The following ATP1A4 variants were observed in gnomAD, a reference collection of about 807,000 sequenced individuals.
ATP1A4 encodes ATPase Na+/K+ transporting subunit alpha 4, also known as sodium/potassium-transporting ATPase subunit alpha-4.
In ATP1A4, 90 loss-of-function variants were observed where a neutral mutation model predicts 114.3. The observed-to-expected ratio is 0.79, with a 90% CI of 0.66 to 0.94. The LOEUF (loss-of-function observed/expected upper bound fraction) is 0.94. Ranked by LOEUF, ATP1A4 falls within the 40% of genes least tolerant of loss-of-function variation. The pLI, the probability that ATP1A4 is intolerant of heterozygous loss-of-function variation, is 0.00. For missense variants in ATP1A4, 1,222 were observed against 1,313.6 expected, an observed-to-expected ratio of 0.93 and a Z score of 1.08; for synonymous variants, 511 against 494.1, an observed-to-expected ratio of 1.03 and a Z score of -0.45.
chr1:160,154,978 T>A, intron 2 of ATP1A4, 67 bp from the exon 3 acceptor site: 1 of 1,474,586 alleles, frequency 6.8e-7, no homozygotes, highest in Non-Finnish European at 9.4e-7. Flanking sequence ...AAATGTCAGG[T>A]TCCCTTTTGC....
At chr1:160,169,085 C>G (rs1014774994) in intron 10 of ATP1A4, among the ~76,000 whole-genome samples, 2 of 152,248 alleles carry the variant, frequency 1.3e-5, no homozygotes, top group African/African-American at 4.8e-5. Context: ...CAGACTTGTC[C>G]TCAGTGGTTC....
In ATP1A4 at chr1:160,173,659, G is replaced by C; in HGVS notation, c.1933G>C (p.Glu645Gln). Reference sequence around the variant, plus strand: ...TGTGGGCATCATCTCAGAAGGCACTGAGACGGCAGAGGAAGTCGCTGCCCG... The same window carrying C: ...TGTGGGCATCATCTCAGAAGGCACTCAGACGGCAGAGGAAGTCGCTGCCCG... ...KGVGIISEGT[E>Q]TAEEVAARLK... is the part of the protein sequence containing the mutation. The change falls in exon 13 of 22, where the codon GAG (glutamate) becomes CAG (glutamine). Residue 645 changes from glutamate to glutamine, a missense_variant. Physicochemically the swap from Glu to Gln is conservative, Grantham distance 29. Coordinates refer to ENST00000368081, the MANE Select transcript of ATP1A4 (RefSeq NM_144699.4). 1 of 1,614,198 alleles carries C rather than the reference G, an allele frequency of 6.2e-7. No individual in the cohort carries two copies. The highest frequency in any genetic ancestry group is 8.5e-7 in the Non-Finnish European group (1 of 1,180,036).
Position 160,186,826 on chromosome 1 carries a change from A to C in ATP1A4, c.*127A>C. 1 of 1,127,372 alleles carries C rather than the reference A, an allele frequency of 8.9e-7. No homozygotes were observed. The highest frequency in any genetic ancestry group is 1.3e-6 in the Non-Finnish European group (1 of 766,484). The allele number at this position is 1,127,372 out of a possible 1,614,324, so 69.8% of individuals were successfully genotyped here. ...ATTATCTTGGATGAGAAAGATGGGCAATCCTGGGCTGGCTTGAGGGAATCA... is the reference window on the plus strand; with the variant it reads ...ATTATCTTGGATGAGAAAGATGGGCCATCCTGGGCTGGCTTGAGGGAATCA... On this transcript the variant is annotated 3_prime_UTR_variant, in exon 22 of 22. Coordinates refer to ENST00000368081, the MANE Select transcript of ATP1A4 (RefSeq NM_144699.4).
intron 2 of ATP1A4, 118 bp from the exon 3 acceptor site, chr1:160,154,927 T>C (rs1652583237): frequency 1.1e-6 from 1 of 906,486 alleles, no homozygotes; most frequent in Non-Finnish European, 1.7e-6. Flanking sequence ...AGACTGACCT[T>C]CTGAAAGCGT....
chr1:160,174,141 A>G lies in ATP1A4; in HGVS notation c.2022A>G (p.Ala674=). Residue 674 remains alanine (A), a synonymous_variant, in exon 14 of 22, where the codon GCA becomes GCG. Coordinates refer to ENST00000368081, the MANE Select transcript of ATP1A4 (RefSeq NM_144699.4). ...CCAAAGCCATTGTGGTGCATGGTGC[A>G]GAACTGAAGGACATACAGTCCAAGC... ...SAAKAIVVHG[A]ELKDIQSKQL... 1 of 1,614,226 alleles carries G rather than the reference A, an allele frequency of 6.2e-7. No homozygotes were observed. Among genetic ancestry groups the G allele is most frequent in the East Asian group, 2.2e-5 (1 of 44,888 alleles).
rs757890752 is a variant in ATP1A4 at position 160,171,300 on chromosome 1, T to C, written c.1541T>C (p.Met514Thr). The C allele has an allele frequency of 8.7e-6, 14 of 1,613,972 alleles. No homozygotes were observed. Among genetic ancestry groups the C allele is most frequent in the South Asian group, 2.2e-5 (2 of 91,078 alleles). Residue 514 changes from methionine to threonine, a missense_variant, in exon 11 of 22, where the codon ATG (methionine) becomes ACG (threonine). Met to Thr is a moderately conservative substitution (Grantham distance 81). Coordinates refer to ENST00000368081, the MANE Select transcript of ATP1A4 (RefSeq NM_144699.4). ...AGCTCCCAGACCCACGTACTGATGA[T>C]GAAGGGTGCTCCGGAGAGGATCTTG... is the stretch of plus-strand genomic sequence containing the variant. ...EDSSQTHVLM[M>T]KGAPERILEF...
intron 15 of ATP1A4, among the ~76,000 whole-genome samples, 198 bp downstream of exon 15, chr1:160,174,945 T>A (rs1248510776): frequency 6.6e-6 from 1 of 152,206 alleles, no homozygotes; most frequent in Non-Finnish European, 1.5e-5. Context: ...CCCCTTTTGA[T>A]GAGATCGGAG....
At chr1:160,156,278 AG>A (rs1296869870) in intron 4 of ATP1A4, 120 bp downstream of exon 4, 9 of 695,340 alleles carry the variant, frequency 1.3e-5, no homozygotes, top group Non-Finnish European at 1.8e-5. Flanking sequence ...GTTGGTGATG[AG>A]GGGGTCAAGG....
chr1:160,182,299 C>T (rs1038658382), intron 20 of ATP1A4, among the ~76,000 whole-genome samples: 4 of 152,246 alleles, frequency 2.6e-5, no homozygotes, highest in South Asian at 2.1e-4. Flanking sequence ...AAATCTTTTT[C>T]GTGATGATGT....
At chr1:160,162,221 T>C (rs149040826) in intron 6 of ATP1A4, among the ~76,000 whole-genome samples, 33 of 152,330 alleles carry the variant, frequency 2.2e-4, no homozygotes, top group African/African-American at 7.9e-4. Flanking sequence ...AGTGATATGT[T>C]GCCTAAGTGA....
chr1:160,155,006 T>A (rs769672787), intron 2 of ATP1A4, 39 bp from the exon 3 acceptor site: 5 of 1,594,862 alleles, frequency 3.1e-6, no homozygotes, highest in Non-Finnish European at 4.3e-6. Flanking sequence ...GTTCCTCTTT[T>A]CACAGCTCTC....
intron 10 of ATP1A4, among the ~76,000 whole-genome samples, chr1:160,168,677 C>G (rs1161406076): frequency 6.6e-6 from 1 of 152,174 alleles, no homozygotes; most frequent in Non-Finnish European, 1.5e-5. Flanking sequence ...AGCCACCATG[C>G]CTGGCCTCTA....
At position 160,159,405 on chromosome 1, in the gene ATP1A4, C is replaced by T. The variant is rs768534509; in HGVS notation, c.661-4C>T. On this transcript the variant is annotated splice_polypyrimidine_tract_variant and splice_region_variant and intron_variant, in intron 5 of 21. Transcript: ENST00000368081. ...CTTACAACGCGTCCCCTCTCCCATC[C>T]CAGGTGGACAACTCATCCTTGACTG... 3.7e-6 allele frequency: 6 copies of T among 1,606,208 alleles called. No individual in the cohort carries two copies. In the South Asian group the frequency reaches 4.5e-5, roughly 12 times the overall value.
chr1:160,152,627 T>A (rs1652497459), intron 1 of ATP1A4, among the ~76,000 whole-genome samples: 1 of 152,170 alleles, frequency 6.6e-6, no homozygotes, highest in Non-Finnish European at 1.5e-5. Flanking sequence ...GTTTCTTTAG[T>A]GGGGTCTTTG....
chr1:160,161,216 T>G (rs1006930216), intron 6 of ATP1A4, among the ~76,000 whole-genome samples: 3 of 152,250 alleles, frequency 2.0e-5, no homozygotes, highest in Non-Finnish European at 4.4e-5. Context: ...ATTTGCCCTT[T>G]AACCTTTACC....
rs1256520653 is a variant in ATP1A4 at position 160,181,916 on chromosome 1, A to G, written c.2868-14A>G. 2 of 1,613,416 alleles carry G rather than the reference A, an allele frequency of 1.2e-6. No individual in the cohort carries two copies. The highest frequency in any genetic ancestry group is 3.3e-5 in the Admixed American group (2 of 60,016). On this transcript the variant is annotated splice_polypyrimidine_tract_variant and intron_variant, in intron 19 of 21. Transcript: ENST00000368081. ...TTCTCCCTCCCCGCCACACCCATGA[A>G]TGTTTCTTCCCAGAAACAAAGTCTT... is the stretch of plus-strand genomic sequence containing the variant.
intron 18 of ATP1A4, among the ~76,000 whole-genome samples, chr1:160,177,911 T>C (rs1054529277): frequency 6.6e-6 from 1 of 152,242 alleles, no homozygotes; most frequent in Non-Finnish European, 1.5e-5. Flanking sequence ...TGGCCCTGCC[T>C]GTCTGAGTCC....
rs936548327 is a variant in ATP1A4 at position 160,162,820 on chromosome 1, T to C, written c.779-1336T>C. 9.2e-5 allele frequency among the ~76,000 whole-genome samples: 14 copies of C among 152,240 alleles called. No homozygotes were observed. In the South Asian group the frequency reaches 2.9e-3, roughly 32 times the overall value. ...AAGGGTAACCACTATTCCTGGGATC[T>C]AGAAACTCCTCAGCTGCTGAGGGCA... is the stretch of plus-strand genomic sequence containing the variant. On this transcript the variant is annotated intron_variant, in intron 6 of 21. Coordinates refer to ENST00000368081, the MANE Select transcript of ATP1A4 (RefSeq NM_144699.4).
Position 160,176,571 on chromosome 1 carries a change from C to T in ATP1A4, c.2559C>T (p.His853=). Residue 853 remains histidine, a synonymous_variant, in exon 17 of 22, where the codon CAC becomes CAT. Coordinates refer to ENST00000368081, the MANE Select transcript of ATP1A4 (RefSeq NM_144699.4). The stretch of plus-strand genomic sequence containing the variant: ...CAAAGACGGATAATCTGGTGAACCA[C>T]CGTCTCATTGGCATGGCCTATGGAC... ...RNPKTDNLVN[H]RLIGMAYGQI... 6.2e-7 allele frequency: 1 copy of T among 1,614,160 alleles called. No homozygotes were observed. The highest frequency in any genetic ancestry group is 1.1e-5 in the South Asian group (1 of 91,080).
Sources: gnomAD v4.1 joint callset for allele counts (sites outside exome capture counted in the v4.1 genomes callset) on GRCh38, gnomAD v4.1.1 for gene constraint, MANE v1.5 for transcripts, NCBI Gene and HGNC (gene_info 2026-07-23, HGNC 2026-07-21) for gene names.